Variants in KPNA1 observed in about 807,000 individuals in gnomAD.
The protein encoded by KPNA1 is importin subunit alpha-5.
In KPNA1, 10 loss-of-function variants were observed where a neutral mutation model predicts 70.5. The observed-to-expected ratio is 0.14, with a 90% confidence interval of 0.09 to 0.24. KPNA1 has a LOEUF of 0.24. KPNA1 is among the 10% of genes least tolerant of loss of function. KPNA1 has a pLI of 1.00. For missense variants in KPNA1, 397 were observed against 637.9 expected (o/e 0.62, Z 4.07); for synonymous variants, 192 against 221.9 (o/e 0.87, Z 1.20).
At chr3:122,453,827 C>A in intron 6 of KPNA1, 43 bp downstream of exon 6, 1 of 1,569,584 alleles carries the variant, frequency 6.4e-7, no homozygotes, top group South Asian at 1.2e-5. Flanking sequence ...ACATGCCCAG[C>A]CAAAAACTTT....
chr3:122,457,984 C>T (rs1335407590), intron 5 of KPNA1: 4 of 712,462 alleles, frequency 5.6e-6, no homozygotes, highest in South Asian at 1.9e-5. Context: ...GGAAAAGACA[C>T]AGGAGGATGA....
chr3:122,480,741 C>T (rs1576327610), intron 2 of KPNA1, among the ~76,000 whole-genome samples: 1 of 151,808 alleles, frequency 6.6e-6, no homozygotes. Context: ...AACCCTAGTG[C>T]TTTGGGAGGC....
At chr3:122,512,215 A>T (rs532077309) in intron 1 of KPNA1, among the ~76,000 whole-genome samples, 88 of 121,574 alleles carry the variant, frequency 7.2e-4, no homozygotes, top group South Asian at 2.7e-3. Context: ...TCATTAGTTT[A>T]AAAAAAAAAA....
intron 1 of KPNA1, among the ~76,000 whole-genome samples, chr3:122,502,540 G>A (rs1487921659): frequency 1.3e-5 from 2 of 152,208 alleles, no homozygotes; most frequent in African/African-American, 2.4e-5. Flanking sequence ...CTTCAGAACT[G>A]TGAGAAAATA....
chr3:122,450,298 G>A (rs2076184599), intron 8 of KPNA1, among the ~76,000 whole-genome samples: 1 of 152,070 alleles, frequency 6.6e-6, no homozygotes, highest in South Asian at 2.1e-4. Flanking sequence ...ATTAAAAAAT[G>A]CAGCTGGGCG....
chr3:122,503,559 A>G (rs2076854614), intron 1 of KPNA1, among the ~76,000 whole-genome samples: 1 of 152,170 alleles, frequency 6.6e-6, no homozygotes, highest in Admixed American at 6.5e-5. Flanking sequence ...AAGACAGTAG[A>G]CTTCTGTGAG....
intron 4 of KPNA1, 31 bp from the exon 5 acceptor site, chr3:122,461,349 A>T (rs763445799): frequency 6.7e-7 from 1 of 1,488,588 alleles, no homozygotes; most frequent in Non-Finnish European, 9.3e-7. Flanking sequence ...AGAAAAAAAA[A>T]ATCCTTTGAT....
At chr3:122,453,806 A>G in intron 6 of KPNA1, 64 bp downstream of exon 6, 2 of 1,520,590 alleles carry the variant, frequency 1.3e-6, no homozygotes, top group Non-Finnish European at 1.8e-6. Flanking sequence ...TTGGGATTAC[A>G]GGAGTGAGCG....
intron 2 of KPNA1, among the ~76,000 whole-genome samples, chr3:122,493,633 T>C (rs907118674): frequency 6.6e-6 from 1 of 152,172 alleles, no homozygotes; most frequent in Non-Finnish European, 1.5e-5. Flanking sequence ...AAATCCAACA[T>C]TTGACTTACA....
At chr3:122,432,694 T>C (rs1322671852) in intron 12 of KPNA1, 1 of 152,176 alleles carries the variant, frequency 6.6e-6, no homozygotes, top group Non-Finnish European at 1.5e-5. Flanking sequence ...CTATCTGAAA[T>C]ACTAGATGTC....
At chr3:122,506,231 T>C (rs565368083) in intron 1 of KPNA1, among the ~76,000 whole-genome samples, 471 of 152,350 alleles carry the variant, frequency 3.1e-3, no homozygotes, top group Middle Eastern at 0.027. Flanking sequence ...GTGGAACAAC[T>C]TGAAATCCTA....
In KPNA1 at chr3:122,498,133, C is replaced by A. The variant is rs114597576; in HGVS notation, c.-5-1563G>T. Among the ~76,000 whole-genome samples the A allele has an allele frequency of 6.2e-3, 947 of 152,238 alleles. 10 individuals are homozygous for A. Among genetic ancestry groups the A allele is most frequent in the African/African-American group, 0.021 (892 of 41,532 alleles). The stretch of plus-strand genomic sequence containing the variant: ...CCCAACAATACTTGTTGAAAAGACT[C>A]CTCTTTCTCCACAGAATGGTCTTGG... On this transcript the variant is annotated intron_variant, in intron 1 of 13. Transcript: ENST00000344337.
chr3:122,484,685 G>A (rs2076609623), intron 2 of KPNA1, among the ~76,000 whole-genome samples: 1 of 148,746 alleles, frequency 6.7e-6, no homozygotes, highest in Non-Finnish European at 1.5e-5. Flanking sequence ...ATAAAGGAAA[G>A]CAAAGGAAAG....
chr3:122,451,142 T>TG (rs2076198182), intron 8 of KPNA1, among the ~76,000 whole-genome samples: 3 of 151,908 alleles, frequency 2.0e-5, no homozygotes, highest in Admixed American at 6.6e-5. Context: ...AAAAACCTAT[T>TG]GGAAAAAAAA....
intron 2 of KPNA1, among the ~76,000 whole-genome samples, chr3:122,486,823 G>A (rs1035122656): frequency 5.3e-5 from 8 of 152,052 alleles, no homozygotes; most frequent in South Asian, 4.1e-4. Context: ...TCCTGACCTC[G>A]TGATCCGCCC....
At chr3:122,443,672 G>A (rs1017142256) in intron 9 of KPNA1, among the ~76,000 whole-genome samples, 10 of 152,054 alleles carry the variant, frequency 6.6e-5, no homozygotes, top group Non-Finnish European at 1.2e-4. Context: ...ATCACATGTC[G>A]GCAGGTTCCG....
At chr3:122,473,940 G>A (rs906965450) in intron 2 of KPNA1, among the ~76,000 whole-genome samples, 1 of 152,116 alleles carries the variant, frequency 6.6e-6, no homozygotes, top group Admixed American at 6.5e-5. Context: ...TGACACAGTC[G>A]TCCACATGGA....
chr3:122,506,529 TAAG>T (rs932289037), intron 1 of KPNA1, among the ~76,000 whole-genome samples: 4 of 152,214 alleles, frequency 2.6e-5, no homozygotes, highest in Non-Finnish European at 4.4e-5. Flanking sequence ...ATACGATAAT[TAAG>T]GAGTAGCTTT....
At chr3:122,430,421 A>C (rs1281869407) in intron 12 of KPNA1, among the ~76,000 whole-genome samples, 1 of 151,970 alleles carries the variant, frequency 6.6e-6, no homozygotes, top group Non-Finnish European at 1.5e-5. Flanking sequence ...CCTATGATAA[A>C]ATTGGTTTTG....
Sources: allele counts gnomAD v4.1 joint callset (sites outside exome capture counted in the v4.1 genomes callset), GRCh38; gene constraint gnomAD v4.1.1; transcripts MANE v1.5; gene names NCBI Gene and HGNC (gene_info 2026-07-23, HGNC 2026-07-21).